CACNA2D3: variants seen among roughly 807,000 people sequenced by gnomAD.
CACNA2D3 encodes the protein calcium voltage-gated channel auxiliary subunit alpha2delta 3.
In CACNA2D3, 60 loss-of-function variants were observed where a neutral mutation model predicts 160.6. The observed-to-expected ratio is 0.37, with a 90% CI of 0.30 to 0.46. The LOEUF is 0.46. Among genes scored for constraint, CACNA2D3 ranks in the 20% least tolerant of loss-of-function variants. The probability of loss-of-function intolerance (pLI) is 1.00; values close to 1 mark genes in which losing one functional copy is unlikely to be tolerated. For synonymous variants in CACNA2D3, 558 were observed against 492.9 expected (o/e 1.13, Z -1.75); for missense variants, 1,205 against 1,365.0 (o/e 0.88, Z 1.85).
intron 31 of CACNA2D3, among the ~76,000 whole-genome samples, chr3:54,999,308 G>A (rs1702929166): frequency 1.3e-5 from 2 of 152,154 alleles, no homozygotes; most frequent in African/African-American, 2.4e-5. Flanking sequence ...GTAAGAATGA[G>A]TAAGGGCTTC....
chr3:55,038,707 A>T (rs551468815), intron 35 of CACNA2D3, among the ~76,000 whole-genome samples: 2 of 151,866 alleles, frequency 1.3e-5, no homozygotes, highest in Non-Finnish European at 2.9e-5. Flanking sequence ...TCAACAAAAC[A>T]GGTAGAACAG....
In CACNA2D3 at chr3:54,306,752, A is replaced by G. The variant is rs1450888820; in HGVS notation, c.205-13690A>G. ...GGAGGCTGAGTGTGTGGTGCCTGGA[A>G]GCAGCCTGGTTGCTGCCCAGCACAT... On this transcript the variant is annotated intron_variant, in intron 2 of 37. Transcript: ENST00000474759. Among the ~76,000 whole-genome samples, 10 of 152,334 alleles carry G rather than the reference A, an allele frequency of 6.6e-5. No homozygotes were observed. In the East Asian group the frequency reaches 1.7e-3, roughly 26 times the overall value.
chr3:54,738,826 T>A (rs1290317722), intron 11 of CACNA2D3, among the ~76,000 whole-genome samples: 2 of 152,214 alleles, frequency 1.3e-5, no homozygotes, highest in Non-Finnish European at 2.9e-5. Context: ...GTATGACCAG[T>A]ACTGCTTAAC....
intron 3 of CACNA2D3, among the ~76,000 whole-genome samples, chr3:54,362,071 A>G (rs949254375): frequency 4.6e-5 from 7 of 152,202 alleles, no homozygotes; most frequent in Non-Finnish European, 2.9e-5. Flanking sequence ...CACAATTAGT[A>G]GGCATGGCAC....
intron 11 of CACNA2D3, among the ~76,000 whole-genome samples, chr3:54,647,979 C>T (rs531249300): frequency 6.6e-6 from 1 of 152,294 alleles, no homozygotes; most frequent in Admixed American, 6.5e-5. Context: ...GAACTCATTC[C>T]AGGACCTGCT....
intron 3 of CACNA2D3, among the ~76,000 whole-genome samples, chr3:54,377,435 G>A (rs1225629687): frequency 6.6e-6 from 1 of 152,152 alleles, no homozygotes; most frequent in Non-Finnish European, 1.5e-5. Flanking sequence ...ACCGTGGGAG[G>A]CAGTGATTCT....
At chr3:55,071,314 A>G (rs1422653533) in intron 35 of CACNA2D3, among the ~76,000 whole-genome samples, 1 of 152,190 alleles carries the variant, frequency 6.6e-6, no homozygotes, top group East Asian at 1.9e-4. Flanking sequence ...ATGTGAATCT[A>G]ACAACCTCAC....
At chr3:54,401,196 G>GA (rs1236411418) in intron 4 of CACNA2D3, among the ~76,000 whole-genome samples, 4 of 151,334 alleles carry the variant, frequency 2.6e-5, no homozygotes, top group African/African-American at 4.9e-5. Context: ...CTAGTCAACG[G>GA]AAAAAAAAGA....
chr3:54,822,953 C>G (rs577763454), intron 14 of CACNA2D3, among the ~76,000 whole-genome samples: 147 of 151,720 alleles, frequency 9.7e-4, no homozygotes, highest in African/African-American at 3.4e-3. Context: ...CTCCTGGGTT[C>G]AAGCGATTCT....
rs370419450 is a variant in CACNA2D3 at position 54,860,892 on chromosome 3, T to A, written c.1627-10647T>A. ...TACTACATGAGACTGTGATGAGGGT[T>A]AAATGAGTTAATGTTCCTAAAACAT... On this transcript the variant is annotated intron_variant, in intron 17 of 37. Transcript: ENST00000474759. Among the ~76,000 whole-genome samples, 36 of 152,322 alleles carry A rather than the reference T, an allele frequency of 2.4e-4. No homozygotes were observed. In the South Asian group the frequency reaches 4.6e-3, roughly 19 times the overall value.
chr3:55,015,268 G>A (rs1703304191), intron 34 of CACNA2D3, among the ~76,000 whole-genome samples: 2 of 152,248 alleles, frequency 1.3e-5, no homozygotes, highest in East Asian at 1.9e-4. Context: ...GACAGCCCAA[G>A]GTCAAATTTT....
At chr3:54,610,949 C>T (rs1362781863) in intron 9 of CACNA2D3, among the ~76,000 whole-genome samples, 1 of 151,976 alleles carries the variant, frequency 6.6e-6, no homozygotes, top group Non-Finnish European at 1.5e-5. Flanking sequence ...TTTTCAAATA[C>T]CTCTTCTCTA....
intron 9 of CACNA2D3, among the ~76,000 whole-genome samples, chr3:54,609,979 A>C (rs946604828): frequency 5.9e-5 from 9 of 152,194 alleles, no homozygotes; most frequent in Admixed American, 3.3e-4. Context: ...GCTTCCTCGG[A>C]AGCCTGCAAG....
chr3:54,169,884 AG>A (rs1346510604), intron 2 of CACNA2D3, among the ~76,000 whole-genome samples: 2 of 152,100 alleles, frequency 1.3e-5, no homozygotes, highest in African/African-American at 4.8e-5. Context: ...TGATTTTTCC[AG>A]GTCAAGAGTG....
chr3:54,165,906 A>G (rs116341541), intron 2 of CACNA2D3, among the ~76,000 whole-genome samples: 1,851 of 152,314 alleles, frequency 0.012, 37 homozygotes, highest in African/African-American at 0.041. Flanking sequence ...GGGATGGTAT[A>G]GAGGCAACCA....
intron 14 of CACNA2D3, among the ~76,000 whole-genome samples, chr3:54,822,790 C>CCTTTCTTTCTTTCTTTCTTTCCTTTCTTT (rs1703653528): frequency 1.4e-5 from 1 of 71,912 alleles, no homozygotes; most frequent in Non-Finnish European, 2.7e-5. Context: ...TTCTTTCTTT[C>CCTTTCTTTCTTTCTTTCTTTCCTTTCTTT]CTTTCTTTCT....
At chr3:54,157,851 A>G (rs1166968046) in intron 2 of CACNA2D3, among the ~76,000 whole-genome samples, 1 of 152,092 alleles carries the variant, frequency 6.6e-6, no homozygotes, top group South Asian at 2.1e-4. Flanking sequence ...AAAAAAAAAA[A>G]AAAAGAAATG....
At chr3:54,689,423 G>A (rs1700531540) in intron 11 of CACNA2D3, among the ~76,000 whole-genome samples, 1 of 152,042 alleles carries the variant, frequency 6.6e-6, no homozygotes, top group Non-Finnish European at 1.5e-5. Flanking sequence ...CCCCAGATGT[G>A]TATCTCCAGG....
chr3:54,211,247 A>G (rs4928011), intron 2 of CACNA2D3, among the ~76,000 whole-genome samples: 23,944 of 152,100 alleles, frequency 0.16, 2,606 homozygotes, highest in East Asian at 0.44. Context: ...TTAAGAATAC[A>G]TTTTGGAAGT....
Sources: gnomAD v4.1 joint callset for allele counts (sites outside exome capture counted in the v4.1 genomes callset) on GRCh38, gnomAD v4.1.1 for gene constraint, MANE v1.5 for transcripts, NCBI Gene and HGNC (gene_info 2026-07-23, HGNC 2026-07-21) for gene names.